Variants in RUFY3 observed in about 807,000 individuals in gnomAD.
RUFY3 encodes RUN and FYVE domain containing 3, also known as protein RUFY3.
A neutral mutation model predicts 84.0 loss-of-function variants in RUFY3; 34 were observed. That is an observed-to-expected ratio of 0.40 (90% CI 0.31 to 0.54). The LOEUF (loss-of-function observed/expected upper bound fraction) is 0.54. RUFY3 is among the 20% of genes least tolerant of loss of function. The probability of loss-of-function intolerance (pLI) is 0.39; values close to 1 mark genes in which losing one functional copy is unlikely to be tolerated. For synonymous variants in RUFY3, 242 were observed against 252.9 expected, an observed-to-expected ratio of 0.96 and a Z score of 0.41; for missense variants, 507 against 736.8, an observed-to-expected ratio of 0.69 and a Z score of 3.61.
chr4:70,708,646 TATC>T (rs1433878466), intron 1 of RUFY3, among the ~76,000 whole-genome samples: 3 of 152,222 alleles, frequency 2.0e-5, no homozygotes, highest in African/African-American at 4.8e-5. Context: ...AAGGTGGTAT[TATC>T]TTTTTATTTT....
intron 8 of RUFY3, among the ~76,000 whole-genome samples, chr4:70,779,068 G>A (rs1358925487): frequency 6.6e-6 from 1 of 152,186 alleles, no homozygotes; most frequent in Non-Finnish European, 1.5e-5. Context: ...TATTCAGTAA[G>A]CGTTTCACAC....
intron 1 of RUFY3, among the ~76,000 whole-genome samples, chr4:70,740,571 C>T (rs971528511): frequency 6.6e-6 from 1 of 152,136 alleles, no homozygotes; most frequent in Admixed American, 6.5e-5. Context: ...AATATTCCCT[C>T]TATTGACTTT....
chr4:70,756,809 G>A (rs1353546307), intron 1 of RUFY3, among the ~76,000 whole-genome samples: 19 of 152,074 alleles, frequency 1.2e-4, no homozygotes, highest in Admixed American at 1.2e-3. Context: ...TGTAGTTGCA[G>A]TACTTCTCAG....
rs1387249823 is a variant in RUFY3 at position 70,801,974 on chromosome 4, T to TGATTTAGG, written c.1623-982_1623-981insGATTTAGG. 3.9e-5 allele frequency among the ~76,000 whole-genome samples: 6 copies of TGATTTAGG among 152,206 alleles called. No homozygotes were observed. In the East Asian group the frequency reaches 1.2e-3, roughly 29 times the overall value. ...AGGTCCTGAGAATATGGAACAGTGC[T>TGATTTAGG]TCCTTATATCTGAATTGTGCTCTGC... On this transcript the variant is annotated intron_variant, in intron 15 of 17. Transcript: ENST00000381006.
chr4:70,723,315 A>G (rs1717684721), intron 1 of RUFY3, among the ~76,000 whole-genome samples: 2 of 152,216 alleles, frequency 1.3e-5, no homozygotes, highest in African/African-American at 4.8e-5. Context: ...ACTTTTCAGC[A>G]TTTATTTATT....
In RUFY3 at chr4:70,722,414, C is replaced by CTT. The variant is rs59880902; in HGVS notation, c.-147_-146dup. The CTT allele has an allele frequency of 6.2e-5, 76 of 1,228,204 alleles. No homozygotes were observed. The highest frequency in any genetic ancestry group is 2.7e-4 in the Admixed American group (8 of 29,710). The allele number at this position is 1,228,204 out of a possible 1,614,324, so 76.1% of individuals were successfully genotyped here. A position where few individuals can be genotyped will look rare whatever the true frequency, so the allele number is the denominator to read the frequency against. On this transcript the variant is annotated 5_prime_UTR_variant, in exon 1 of 18. Coordinates refer to ENST00000381006, the MANE Select transcript of RUFY3 (RefSeq NM_001037442.4). ...GTTCTTAACCTATAAGGTATTTTTCCTTTTTTTTTTTTTTAAACCTCCCCC... is the reference window on the plus strand; with the variant it reads ...GTTCTTAACCTATAAGGTATTTTTCCTTTTTTTTTTTTTTTTAAACCTCCCCC...
At chr4:70,777,856 T>G (rs1285097792) in intron 7 of RUFY3, among the ~76,000 whole-genome samples, 2 of 152,252 alleles carry the variant, frequency 1.3e-5, no homozygotes, top group African/African-American at 4.8e-5. Flanking sequence ...ATGAACTCTT[T>G]TATTTCATTG....
At chr4:70,717,001 G>T (rs1359143387), upstream of RUFY3, among the ~76,000 whole-genome samples, 3 of 152,016 alleles carry the variant, frequency 2.0e-5, no homozygotes, top group African/African-American at 7.2e-5. Flanking sequence ...CAATATTTTT[G>T]AAATAAGATA....
chr4:70,769,402 G>A (rs927105419), intron 5 of RUFY3, among the ~76,000 whole-genome samples: 2 of 152,170 alleles, frequency 1.3e-5, no homozygotes, highest in Admixed American at 1.3e-4. Context: ...TAGTGTAAGT[G>A]TAAAAAATAA....
At chr4:70,744,458 C>T (rs1186170426) in intron 1 of RUFY3, among the ~76,000 whole-genome samples, 1 of 151,888 alleles carries the variant, frequency 6.6e-6, no homozygotes, top group African/African-American at 2.4e-5. Flanking sequence ...ACTTCAGCCT[C>T]CCAACGCACT....
intron 1 of RUFY3, among the ~76,000 whole-genome samples, chr4:70,739,352 T>G (rs912747312): frequency 6.6e-6 from 1 of 152,206 alleles, no homozygotes; most frequent in Non-Finnish European, 1.5e-5. Context: ...TTTGAATAAT[T>G]ACGGCAAATA....
chr4:70,746,858 T>A (rs1015272860), intron 1 of RUFY3, among the ~76,000 whole-genome samples: 1 of 152,140 alleles, frequency 6.6e-6, no homozygotes, highest in African/African-American at 2.4e-5. Context: ...AGTATAGAAA[T>A]GAAGAACAGA....
At chr4:70,785,060 C>G (rs1729560469) in intron 10 of RUFY3, among the ~76,000 whole-genome samples, 181 bp downstream of exon 10, 1 of 152,134 alleles carries the variant, frequency 6.6e-6, no homozygotes, top group Non-Finnish European at 1.5e-5. Context: ...CAATCTTTTT[C>G]TGAGTATTCT....
At chr4:70,780,485 G>A (rs972306654) in intron 8 of RUFY3, among the ~76,000 whole-genome samples, 1 of 152,100 alleles carries the variant, frequency 6.6e-6, no homozygotes, top group African/African-American at 2.4e-5. Flanking sequence ...TAGAAACAGA[G>A]TTTCACCAGG....
intron 10 of RUFY3, among the ~76,000 whole-genome samples, chr4:70,787,215 A>AT (rs1560555160): frequency 1.6e-4 from 20 of 122,398 alleles, no homozygotes; most frequent in East Asian, 6.4e-4. Flanking sequence ...TATATATATA[A>AT]AAACAAATTG....
chr4:70,733,376 G>A (rs895587217), intron 1 of RUFY3, among the ~76,000 whole-genome samples: 1 of 152,072 alleles, frequency 6.6e-6, no homozygotes, highest in East Asian at 1.9e-4. Flanking sequence ...GGGACGACTT[G>A]GGGCCTCTGC....
chr4:70,764,381 G>C, intron 3 of RUFY3, 94 bp from the exon 4 acceptor site: 1 of 839,272 alleles, frequency 1.2e-6, no homozygotes. Context: ...TGTTACACTG[G>C]AATACCATTA....
At chr4:70,744,797 G>A (rs1721922514) in intron 1 of RUFY3, among the ~76,000 whole-genome samples, 1 of 151,522 alleles carries the variant, frequency 6.6e-6, no homozygotes, top group African/African-American at 2.4e-5. Context: ...TGGGACTACA[G>A]GCACATGCCA....
At chr4:70,788,312 C>A (rs961402953) in intron 10 of RUFY3, among the ~76,000 whole-genome samples, 7 of 151,676 alleles carry the variant, frequency 4.6e-5, no homozygotes, top group East Asian at 1.9e-4. Context: ...CTGTTCGCCT[C>A]GTAACCATAC....
Sources: allele counts gnomAD v4.1 joint callset (sites outside exome capture counted in the v4.1 genomes callset), GRCh38; gene constraint gnomAD v4.1.1; transcripts MANE v1.5; gene names NCBI Gene and HGNC (gene_info 2026-07-23, HGNC 2026-07-21).